Variants in TUSC3 observed in about 807,000 individuals in gnomAD.
TUSC3 encodes the protein dolichyl-diphosphooligosaccharide--protein glycosyltransferase subunit TUSC3.
Under a neutral mutation model 44.8 loss-of-function variants are expected in TUSC3, and 45 were observed. The ratio of observed to expected loss-of-function variants is 1.00; its 90% confidence interval spans 0.79 to 1.29. The LOEUF (loss-of-function observed/expected upper bound fraction) is 1.29. TUSC3 is among the 50% of genes most tolerant of loss of function. The probability of loss-of-function intolerance (pLI) is 0.00; values close to 1 mark genes in which losing one functional copy is unlikely to be tolerated. For missense variants in TUSC3, 519 were observed against 437.9 expected (o/e 1.19, Z -1.65); for synonymous variants, 212 against 152.9 (o/e 1.39, Z -2.85).
chr8:15,559,484 T>C (rs1198399002), intron 1 of TUSC3, among the ~76,000 whole-genome samples: 1 of 144,634 alleles, frequency 6.9e-6, no homozygotes, highest in Non-Finnish European at 1.5e-5. Flanking sequence ...ATTCTGTTGA[T>C]TTGGGGTGGA....
chr8:15,562,335 G>A (rs184388509), intron 1 of TUSC3, among the ~76,000 whole-genome samples: 13 of 152,174 alleles, frequency 8.5e-5, no homozygotes, highest in African/African-American at 2.6e-4. Context: ...AAACCGCTTC[G>A]CAATTTATCT....
intron 6 of TUSC3, among the ~76,000 whole-genome samples, chr8:15,679,027 T>G (rs1808303812): frequency 6.6e-6 from 1 of 152,198 alleles, no homozygotes; most frequent in Non-Finnish European, 1.5e-5. Flanking sequence ...CTAGGTTGAT[T>G]TAATGTCTTT....
chr8:15,797,962 C>G, the TUSC3 span, among the ~76,000 whole-genome samples: 1 of 152,168 alleles, frequency 6.6e-6, no homozygotes, highest in Non-Finnish European at 1.5e-5. Flanking sequence ...GCATCTCTTA[C>G]TATTCTTTCT....
intron 1 of TUSC3, among the ~76,000 whole-genome samples, chr8:15,481,453 G>A (rs937312317): frequency 6.6e-6 from 1 of 151,956 alleles, no homozygotes; most frequent in African/African-American, 2.4e-5. Context: ...TGTGTCACAA[G>A]AAGGCCCTCA....
chr8:15,603,920 G>A (rs1049883075), intron 1 of TUSC3, among the ~76,000 whole-genome samples: 1 of 151,466 alleles, frequency 6.6e-6, no homozygotes, highest in Admixed American at 6.6e-5. Context: ...GCCAGTTTAA[G>A]AACCCTTTTA....
intron 6 of TUSC3, among the ~76,000 whole-genome samples, chr8:15,706,856 T>C (rs970215951): frequency 7.9e-5 from 12 of 151,970 alleles, no homozygotes; most frequent in Non-Finnish European, 1.5e-4. Context: ...CTTTATTCTT[T>C]TACTATTTTG....
At position 15,517,386 on chromosome 8, in the gene TUSC3, A is replaced by G. The variant is rs533255859; in HGVS notation, n.189+33903A>G. 2.0e-4 allele frequency among the ~76,000 whole-genome samples: 30 copies of G among 152,152 alleles called. 1 individual carries two copies. The highest frequency in any genetic ancestry group is 3.4e-3 in the Middle Eastern group (1 of 294). On this transcript the variant is annotated intron_variant and non_coding_transcript_variant, in intron 2 of 5. Transcript: ENST00000503191. ...CTTTGCTATTGTATTGCCAATCCCAATTACACACACAGACTTACAAAGTCA... is the reference window on the plus strand; with the variant it reads ...CTTTGCTATTGTATTGCCAATCCCAGTTACACACACAGACTTACAAAGTCA...
chr8:15,504,188 C>G (rs908776260), intron 2 of TUSC3, among the ~76,000 whole-genome samples: 12 of 152,010 alleles, frequency 7.9e-5, no homozygotes, highest in African/African-American at 2.9e-4. Context: ...TGCCTGGGTT[C>G]AAATGCTGGT....
chr8:15,622,363 G>T (rs1805288936), intron 1 of TUSC3, among the ~76,000 whole-genome samples: 1 of 151,382 alleles, frequency 6.6e-6, no homozygotes, highest in African/African-American at 2.4e-5. Context: ...AACTCCTTGG[G>T]CTCAAGTGAT....
At chr8:15,619,724 A>T (rs1805157676) in intron 1 of TUSC3, among the ~76,000 whole-genome samples, 1 of 151,962 alleles carries the variant, frequency 6.6e-6, no homozygotes, top group South Asian at 2.1e-4. Flanking sequence ...GTTAGCCAGG[A>T]TGGTCTCCAT....
At chr8:15,687,015 G>C (rs1249928312) in intron 6 of TUSC3, among the ~76,000 whole-genome samples, 1 of 152,158 alleles carries the variant, frequency 6.6e-6, no homozygotes, top group Non-Finnish European at 1.5e-5. Context: ...GGAGCTTGCA[G>C]TGAGCCGAGA....
upstream of TUSC3, among the ~76,000 whole-genome samples, chr8:15,539,658 G>T (rs1801605693): frequency 6.6e-6 from 1 of 151,996 alleles, no homozygotes; most frequent in Non-Finnish European, 1.5e-5. Flanking sequence ...AGTCTGCTAT[G>T]GTTCTTAAAA....
At chr8:15,738,827 C>CTTTTTTTTTTTTTTTTTTTTTTTTTTTTT (rs375655033) in intron 7 of TUSC3, among the ~76,000 whole-genome samples, 3 of 87,200 alleles carry the variant, frequency 3.4e-5, no homozygotes, top group East Asian at 7.5e-4. Context: ...ATATATCTTG[C>CTTTTTTTTTTTTTTTTTTTTTTTTTTTTT]TTTTTTTTTT....
At chr8:15,772,654 C>T in the TUSC3 span, among the ~76,000 whole-genome samples, 1 of 152,168 alleles carries the variant, frequency 6.6e-6, no homozygotes, top group Non-Finnish European at 1.5e-5. Context: ...CTTCCTAATT[C>T]TGTGGCAACT....
At chr8:15,820,776 C>A in the TUSC3 span, among the ~76,000 whole-genome samples, 1 of 152,196 alleles carries the variant, frequency 6.6e-6, no homozygotes, top group South Asian at 2.1e-4. Flanking sequence ...AACTAGCTAC[C>A]TTGGAATTTT....
At chr8:15,712,165 A>T (rs1585256454) in intron 6 of TUSC3, among the ~76,000 whole-genome samples, 2 of 152,026 alleles carry the variant, frequency 1.3e-5, no homozygotes, top group South Asian at 4.1e-4. Flanking sequence ...GTAATAGCTT[A>T]TTTGAAAAAT....
chr8:15,549,162 A>G (rs1004257206), intron 1 of TUSC3, among the ~76,000 whole-genome samples: 1 of 151,710 alleles, frequency 6.6e-6, no homozygotes, highest in South Asian at 2.1e-4. Context: ...AATGCTTTTT[A>G]AAAGTACTTA....
chr8:15,642,155 A>G (rs367581481), intron 2 of TUSC3, among the ~76,000 whole-genome samples: 1 of 152,194 alleles, frequency 6.6e-6, no homozygotes, highest in African/African-American at 2.4e-5. Context: ...GTTTGGAACA[A>G]TATTACTGGG....
chr8:15,530,760 T>A (rs1940590117), intron 2 of TUSC3, among the ~76,000 whole-genome samples: 2 of 152,218 alleles, frequency 1.3e-5, no homozygotes, highest in Admixed American at 1.3e-4. Flanking sequence ...ATTCTGAGGT[T>A]TGTAATAAGT....
Sources: gnomAD v4.1 joint callset for allele counts (sites outside exome capture counted in the v4.1 genomes callset) on GRCh38, gnomAD v4.1.1 for gene constraint, MANE v1.5 for transcripts, NCBI Gene and HGNC (gene_info 2026-07-23, HGNC 2026-07-21) for gene names.